CCSER1: variants seen among roughly 807,000 people sequenced by gnomAD.
CCSER1 encodes the protein serine-rich coiled-coil domain-containing protein 1.
CCSER1 carries 41 observed loss-of-function variants against 82.0 expected under a neutral mutation model. The ratio of observed to expected loss-of-function variants is 0.50; its 90% CI spans 0.39 to 0.65. The LOEUF is 0.65. Ranked by LOEUF, CCSER1 falls within the 30% of genes least tolerant of loss-of-function variation. CCSER1 has a pLI of 0.00. For missense variants in CCSER1, 1,119 were observed against 1,064.2 expected, an observed-to-expected ratio of 1.05 and a Z score of -0.72; for synonymous variants, 414 against 383.9, an observed-to-expected ratio of 1.08 and a Z score of -0.92.
intron 6 of CCSER1, among the ~76,000 whole-genome samples, chr4:90,662,629 C>T (rs1334827265): frequency 1.3e-5 from 2 of 151,976 alleles, no homozygotes; most frequent in Non-Finnish European, 2.9e-5. Flanking sequence ...ATACATTGTA[C>T]AATATCTTAA....
chr4:91,046,773 A>G (rs1310893943), intron 9 of CCSER1, among the ~76,000 whole-genome samples: 2 of 151,972 alleles, frequency 1.3e-5, no homozygotes, highest in Admixed American at 1.3e-4. Flanking sequence ...GCTGGAGTGC[A>G]GTGGCACGAT....
chr4:90,648,341 G>GAA (rs1480236521), intron 6 of CCSER1, among the ~76,000 whole-genome samples: 12 of 151,010 alleles, frequency 7.9e-5, no homozygotes, highest in East Asian at 1.9e-4. Context: ...AAGAAAGAAA[G>GAA]AGAGTTGCCC....
chr4:90,386,374 A>G (rs2169398), intron 3 of CCSER1, among the ~76,000 whole-genome samples: 53,227 of 151,968 alleles, frequency 0.35, 9,669 homozygotes, highest in South Asian at 0.44. Context: ...GATCTTCTAC[A>G]AAGCAGACCA....
intron 10 of CCSER1, among the ~76,000 whole-genome samples, chr4:91,594,396 T>A (rs1382316945): frequency 3.6e-5 from 5 of 140,100 alleles, no homozygotes; most frequent in Non-Finnish European, 7.7e-5. Context: ...TATATACATA[T>A]ATACACATAT....
At chr4:90,161,064 G>A (rs1293174409) in intron 1 of CCSER1, among the ~76,000 whole-genome samples, 1 of 152,146 alleles carries the variant, frequency 6.6e-6, no homozygotes, top group African/African-American at 2.4e-5. Flanking sequence ...CTATATAGAT[G>A]CCTGATAGAA....
At chr4:90,339,086 T>C (rs907144718) in intron 3 of CCSER1, among the ~76,000 whole-genome samples, 3 of 152,214 alleles carry the variant, frequency 2.0e-5, no homozygotes, top group Non-Finnish European at 2.9e-5. Context: ...AAGATGATTT[T>C]TGGGAAAAAT....
chr4:90,719,504 C>T (rs1052062827), intron 6 of CCSER1, among the ~76,000 whole-genome samples: 2 of 152,230 alleles, frequency 1.3e-5, no homozygotes, highest in African/African-American at 2.4e-5. Context: ...TCCATGAAAA[C>T]GGTCCCTCAT....
chr4:90,284,948 G>A (rs1729593602), intron 1 of CCSER1, among the ~76,000 whole-genome samples: 1 of 152,002 alleles, frequency 6.6e-6, no homozygotes, highest in African/African-American at 2.4e-5. Flanking sequence ...GTTTACTCTA[G>A]ATGTATGGAT....
chr4:91,506,016 A>G (rs1030327497), intron 10 of CCSER1, among the ~76,000 whole-genome samples: 1 of 152,150 alleles, frequency 6.6e-6, no homozygotes, highest in East Asian at 1.9e-4. Flanking sequence ...GCCCATGCCT[A>G]TGTCCTGAAT....
intron 8 of CCSER1, among the ~76,000 whole-genome samples, chr4:90,911,994 G>A (rs150726277): frequency 3.3e-5 from 5 of 152,180 alleles, no homozygotes; most frequent in African/African-American, 9.6e-5. Context: ...GCTGGAATTG[G>A]GTGGAGCCCA....
intron 4 of CCSER1, among the ~76,000 whole-genome samples, chr4:90,411,970 C>T (rs567021174): frequency 6.6e-6 from 1 of 151,822 alleles, no homozygotes; most frequent in South Asian, 2.1e-4. Context: ...CATTCTTATA[C>T]ACCAAAGGAT....
chr4:90,386,054 A>G (rs747803657), intron 3 of CCSER1, among the ~76,000 whole-genome samples: 10 of 152,214 alleles, frequency 6.6e-5, no homozygotes, highest in Non-Finnish European at 1.5e-4. Context: ...GATTAGATGA[A>G]TCAATATTGT....
intron 1 of CCSER1, among the ~76,000 whole-genome samples, chr4:90,266,005 C>G (rs948631611): frequency 1.3e-5 from 2 of 152,122 alleles, no homozygotes; most frequent in Non-Finnish European, 2.9e-5. Flanking sequence ...AGATGTTTAA[C>G]TGGGAAAACC....
At chr4:91,369,826 C>A (rs989757031) in intron 10 of CCSER1, among the ~76,000 whole-genome samples, 1 of 146,988 alleles carries the variant, frequency 6.8e-6, no homozygotes, top group Non-Finnish European at 1.5e-5. Flanking sequence ...ACGCCCACCA[C>A]GCCTAGCTAA....
chr4:91,261,893 T>A (rs193285118), intron 10 of CCSER1, among the ~76,000 whole-genome samples: 41 of 152,312 alleles, frequency 2.7e-4, no homozygotes, highest in Non-Finnish European at 3.7e-4. Context: ...CCAAAATATA[T>A]GCTTAATCTT....
chr4:90,182,865 G>A (rs1373270379), intron 1 of CCSER1, among the ~76,000 whole-genome samples: 2 of 151,732 alleles, frequency 1.3e-5, no homozygotes, highest in Non-Finnish European at 2.9e-5. Flanking sequence ...GTTTAATAAA[G>A]GGTATTACCT....
At chr4:90,129,140 C>T (rs1722387345) in intron 1 of CCSER1, among the ~76,000 whole-genome samples, 1 of 151,756 alleles carries the variant, frequency 6.6e-6, no homozygotes, top group Admixed American at 6.6e-5. Context: ...ACACATCCTC[C>T]CTTCTCTGCC....
At chr4:90,227,427 T>C (rs951725699) in intron 1 of CCSER1, among the ~76,000 whole-genome samples, 21 of 152,256 alleles carry the variant, frequency 1.4e-4, no homozygotes, top group African/African-American at 4.8e-4. Context: ...TTTATTTTAC[T>C]TCCTAATATT....
chr4:90,749,562 C>G (rs985424207), intron 7 of CCSER1, among the ~76,000 whole-genome samples: 2 of 151,934 alleles, frequency 1.3e-5, no homozygotes, highest in East Asian at 1.9e-4. Flanking sequence ...TAGTTTTTTC[C>G]AATTCTGTGA....
Sources: allele counts gnomAD v4.1 joint callset (sites outside exome capture counted in the v4.1 genomes callset), GRCh38; gene constraint gnomAD v4.1.1; transcripts MANE v1.5; gene names NCBI Gene and HGNC (gene_info 2026-07-23, HGNC 2026-07-21).